Variants in AGAP2 observed in about 807,000 individuals in gnomAD.
The protein encoded by AGAP2 is arf-GAP with GTPase, ANK repeat and PH domain-containing protein 2.
In AGAP2, 32 loss-of-function variants were observed where a neutral mutation model predicts 110.9. That is an observed-to-expected ratio of 0.29 (90% CI 0.22 to 0.39). The LOEUF (loss-of-function observed/expected upper bound fraction) is 0.39, where lower values mean the gene tolerates loss of function less well. Among genes scored for constraint, AGAP2 ranks in the 10% least tolerant of loss-of-function variants. The probability of loss-of-function intolerance (pLI) is 1.00; values close to 1 mark genes in which losing one functional copy is unlikely to be tolerated. For missense variants in AGAP2, 1,285 were observed against 1,638.5 expected (o/e 0.78, Z 3.72); for synonymous variants, 702 against 713.0 (o/e 0.98, Z 0.25).
chr12:57,727,294 C>G, intron 17 of AGAP2, 65 bp from the exon 18 acceptor site: 1 of 1,610,264 alleles, frequency 6.2e-7, no homozygotes, highest in African/African-American at 1.3e-5. Flanking sequence ...TGCCCCTACC[C>G]ACGGGACCGT....
chr12:57,734,765 G>A (rs1299922062), intron 2 of AGAP2, 86 bp from the exon 3 acceptor site: 6 of 1,267,008 alleles, frequency 4.7e-6, no homozygotes, highest in Non-Finnish European at 6.9e-6. Flanking sequence ...AACCCAGAGA[G>A]ATAAGTCATC....
rs914526938 is a variant in AGAP2 at position 57,738,676 on chromosome 12, G to A, written c.-430C>T. On this transcript the variant is annotated 5_prime_UTR_variant, in exon 1 of 19. Coordinates refer to ENST00000547588, the MANE Select transcript of AGAP2 (RefSeq NM_001122772.3). The surrounding 1 kb of genome is among the most constrained non-coding windows in gnomAD (Gnocchi z 6.7). ...GCGGGGGAGGCAGGGGCGGGGAATT[G>A]GGACTCAAGGGACAGGGGCCGCGGA... 6.6e-6 allele frequency among the ~76,000 whole-genome samples: 1 copy of A among 151,900 alleles called. No individual in the cohort carries two copies.
In AGAP2 at chr12:57,727,173, G is replaced by T; in HGVS notation, c.3137C>A (p.Pro1046Gln). 1.9e-6 allele frequency: 3 copies of T among 1,609,638 alleles called. No homozygotes were observed. The highest frequency in any genetic ancestry group is 1.1e-5 in the South Asian group (1 of 90,510). ...AKYEQLLFLA[P>Q]LSTSEEPLGR... Reference sequence around the variant, plus strand: ...CAGCGGCTCCTCCGAGGTGCTCAGCGGCGCCAGGAACAGTAGCTGCTCGTA... The same window carrying T: ...CAGCGGCTCCTCCGAGGTGCTCAGCTGCGCCAGGAACAGTAGCTGCTCGTA... Residue 1046 changes from proline (P) to glutamine (Q), a missense_variant, in exon 18 of 19, where the codon CCG becomes CAG. Coordinates refer to ENST00000547588, the MANE Select transcript of AGAP2 (RefSeq NM_001122772.3).
chr12:57,737,254 G>A lies in AGAP2; in HGVS notation c.993C>T (p.Gly331=). The A allele has an allele frequency of 6.2e-7, 1 of 1,612,742 alleles. No individual in the cohort carries two copies. Among genetic ancestry groups the A allele is most frequent in the Non-Finnish European group, 8.5e-7 (1 of 1,179,594 alleles). The change falls in exon 1 of 19, where the codon GGC becomes GGT. Residue 331 remains glycine, a synonymous_variant. Transcript: ENST00000547588. The surrounding 1 kb of genome is among the most constrained non-coding windows in gnomAD (Gnocchi z 5.9). The part of the protein sequence containing the change: ...LEPPAPGLKR[G]REGGRASTRD... ...GAGTGGATGCTCGGCCCCCCTCCCGGCCCCGTTTCAGCCCCGGAGCTGGAG... is the reference window on the plus strand; with the variant it reads ...GAGTGGATGCTCGGCCCCCCTCCCGACCCCGTTTCAGCCCCGGAGCTGGAG...
At position 57,731,564 on chromosome 12, in the gene AGAP2, T is replaced by C. The variant is rs1325257849; in HGVS notation, c.2032A>G (p.Ile678Val). The change falls in exon 9 of 19, where the codon ATC becomes GTC. Residue 678 changes from isoleucine to valine, a missense_variant. Ile to Val is a conservative substitution (Grantham distance 29, BLOSUM62 3). Coordinates refer to ENST00000547588, the MANE Select transcript of AGAP2 (RefSeq NM_001122772.3). ...ETTGSGRAIP[I>V]KQSFLLKRSG... ...GCCCCTGGATCACTCACCTGTTTGA[T>C]GGGGATGGCTCGCCCACTCCCTGTT... 1 of 1,613,938 alleles carries C rather than the reference T, an allele frequency of 6.2e-7. No homozygotes were observed.
intron 13 of AGAP2, 92 bp downstream of exon 13, chr12:57,729,547 C>T: frequency 1.3e-6 from 2 of 1,527,486 alleles, no homozygotes; most frequent in East Asian, 2.3e-5. Context: ...TCAGCTCAGG[C>T]ACTTTTCCTC....
intron 6 of AGAP2, 35 bp from the exon 7 acceptor site, chr12:57,732,547 C>T: frequency 6.5e-7 from 1 of 1,543,010 alleles, no homozygotes; most frequent in African/African-American, 1.4e-5. Context: ...TGTGAGCAGG[C>T]CAGATACCCA....
rs932564727 is a variant in AGAP2 at position 57,738,692 on chromosome 12, G to A, written c.-446C>T. Among the ~76,000 whole-genome samples the A allele has an allele frequency of 1.0e-3, 155 of 151,982 alleles. 1 individual carries two copies. The highest frequency in any genetic ancestry group is 3.6e-3 in the African/African-American group (149 of 41,452). On this transcript the variant is annotated 5_prime_UTR_variant, in exon 1 of 19. Transcript: ENST00000547588. The surrounding 1 kb of genome is among the most constrained non-coding windows in gnomAD (Gnocchi z 6.7). ...CGGGGAATTGGGACTCAAGGGACAGGGGCCGCGGATGCGGTCGGAAAGAGG... is the reference window on the plus strand; with the variant it reads ...CGGGGAATTGGGACTCAAGGGACAGAGGCCGCGGATGCGGTCGGAAAGAGG...
At chr12:57,730,007 A>C (rs1954853853) in intron 12 of AGAP2, among the ~76,000 whole-genome samples, 1 of 152,230 alleles carries the variant, frequency 6.6e-6, no homozygotes, top group African/African-American at 2.4e-5. Context: ...TGAGCAAGGC[A>C]CTTAATCTTC....
Position 57,734,441 on chromosome 12 carries a change from G to A in AGAP2, c.1316-37C>T, listed in dbSNP as rs774032142. On this transcript the variant is annotated intron_variant, in intron 3 of 18. Coordinates refer to ENST00000547588, the MANE Select transcript of AGAP2 (RefSeq NM_001122772.3). ...AGTTGGAAGGGGTAACAGGTCAGAG[G>A]TGACAGGTCACCAAACCTCCCCATG... 3.1e-6 allele frequency: 5 copies of A among 1,610,776 alleles called. No homozygotes were observed. The East Asian group carries it at 8.9e-5, about 29-fold the overall frequency.
chr12:57,732,339 C>A, intron 7 of AGAP2, 64 bp downstream of exon 7: 6 of 1,457,528 alleles, frequency 4.1e-6, no homozygotes, highest in Non-Finnish European at 5.6e-6. Context: ...CTGTACCTGT[C>A]CTAGGATCCC....
chr12:57,731,632 C>A lies in AGAP2; in HGVS notation c.1964G>T (p.Gly655Val), dbSNP rs749891549. 1 of 1,614,084 alleles carries A rather than the reference C, an allele frequency of 6.2e-7. No individual in the cohort carries two copies. Among genetic ancestry groups the A allele is most frequent in the Admixed American group, 1.7e-5 (1 of 60,018 alleles). ...CAAGCTTCGTTTCTCGGAGTCACTA[C>A]CCCGACGATTCTGGAATGGTTATTG... ...RRTSLFANRR[G>V]SDSEKRSLDS... The change falls in exon 9 of 19, where the codon GGT becomes GTT. Residue 655 changes from glycine (G) to valine (V), a missense_variant. This residue lies in a region of AGAP2 where 844 missense variants were observed against 941.2 expected (regional missense o/e 0.90). Transcript: ENST00000547588.
chr12:57,727,428 G>A lies in AGAP2; in HGVS notation c.3012C>T (p.Asn1004=), dbSNP rs765377581. ...ELTLVLTAIG[N]DTANRVWESD... is the part of the protein sequence containing the mutation. ...TTTCCCACACGCGGTTGGCCGTGTC[G>A]TTGCCAATAGCCGTCAGCACCAGGG... The change falls in exon 17 of 19, where the codon AAC becomes AAT. Residue 1004 remains asparagine (N), a synonymous_variant. Transcript: ENST00000547588. The A allele has an allele frequency of 1.9e-6, 3 of 1,613,530 alleles. No homozygotes were observed. In the African/African-American group the frequency reaches 4.0e-5, roughly 22 times the overall value.
At position 57,732,489 on chromosome 12, in the gene AGAP2, G is replaced by T. The variant is rs574354939; in HGVS notation, c.1708C>A (p.Arg570Ser). The T allele has an allele frequency of 6.3e-7, 1 of 1,590,840 alleles. No homozygotes were observed. The change falls in exon 7 of 19, where the codon CGC becomes AGC. Residue 570 changes from arginine (R) to serine (S), a missense_variant. Transcript: ENST00000547588. ...GCAGCCAGAAGCTGTTGCTGCTTGC[G>T]CAAGGTCACCACCTTCTGGGCCACT... ...QEVAQKVVTL[R>S]KQQQLLAACK...
At chr12:57,735,539 G>T in intron 1 of AGAP2, 112 bp from the exon 2 acceptor site, 2 of 977,442 alleles carry the variant, frequency 2.0e-6, no homozygotes, top group Non-Finnish European at 3.1e-6. Context: ...AACCCTGCCT[G>T]CACTGGAGAG....
upstream of AGAP2, chr12:57,741,936 G>A: frequency 6.2e-7 from 1 of 1,614,110 alleles, no homozygotes; most frequent in Non-Finnish European, 8.5e-7. Flanking sequence ...AATGAGGCCT[G>A]GATGCTGTCC....
At chr12:57,727,828 A>G in intron 15 of AGAP2, 57 bp from the exon 16 acceptor site, 1 of 1,572,678 alleles carries the variant, frequency 6.4e-7, no homozygotes, top group Non-Finnish European at 8.6e-7. Flanking sequence ...CCTCCTTCTC[A>G]GACACCTCTG....
At chr12:57,736,988 T>G in intron 1 of AGAP2, 91 bp downstream of exon 1, 2 of 1,442,650 alleles carry the variant, frequency 1.4e-6, no homozygotes, top group Admixed American at 5.8e-5. Context: ...AGAGAAAAGC[T>G]TCCCTAGTTT....
intron 5 of AGAP2, 83 bp from the exon 6 acceptor site, chr12:57,733,062 G>A (rs1172170767): frequency 7.7e-6 from 12 of 1,567,802 alleles, no homozygotes; most frequent in Non-Finnish European, 1.0e-5. Context: ...CTTGCACTGG[G>A]CCCTCAGGCT....
Sources: allele counts gnomAD v4.1 joint callset (sites outside exome capture counted in the v4.1 genomes callset), GRCh38; gene constraint gnomAD v4.1.1; regional missense constraint gnomAD v4.1.1; non-coding constraint Gnocchi (gnomAD v3.1); transcripts MANE v1.5; gene names NCBI Gene and HGNC (gene_info 2026-07-23, HGNC 2026-07-21).